Variants in ROBO2 observed in about 807,000 individuals in gnomAD.
ROBO2 encodes roundabout guidance receptor 2, also known as roundabout homolog 2.
A neutral mutation model predicts 160.8 loss-of-function variants in ROBO2; 53 were observed. That is an observed-to-expected ratio of 0.33 (90% confidence interval 0.26 to 0.41). The LOEUF (loss-of-function observed/expected upper bound fraction) is 0.41, where lower values mean the gene tolerates loss of function less well. Ranked by LOEUF, ROBO2 falls within the 10% of genes least tolerant of loss-of-function variation. ROBO2 has a pLI of 1.00. For missense variants in ROBO2, 1,577 were observed against 1,722.4 expected, an observed-to-expected ratio of 0.92 and a Z score of 1.49; for synonymous variants, 664 against 611.7, an observed-to-expected ratio of 1.09 and a Z score of -1.26.
At chr3:76,558,163 T>A (rs2083925826) in intron 2 of ROBO2, among the ~76,000 whole-genome samples, 1 of 152,082 alleles carries the variant, frequency 6.6e-6, no homozygotes, top group Admixed American at 6.6e-5. Context: ...AATAAACTCT[T>A]TGGCAAGTGG....
At chr3:76,850,913 C>G (rs916279438) in intron 2 of ROBO2, among the ~76,000 whole-genome samples, 6 of 152,170 alleles carry the variant, frequency 3.9e-5, no homozygotes, top group African/African-American at 1.4e-4. Flanking sequence ...CACTTGCCTT[C>G]CCTGAACACA....
intron 1 of ROBO2, among the ~76,000 whole-genome samples, chr3:75,925,391 A>C (rs1947253557): frequency 6.6e-6 from 1 of 152,172 alleles, no homozygotes; most frequent in Non-Finnish European, 1.5e-5. Flanking sequence ...CCCTGTCTCC[A>C]TTCAATAAAT....
intron 2 of ROBO2, among the ~76,000 whole-genome samples, chr3:76,093,311 G>A (rs1042494253): frequency 7.9e-5 from 12 of 151,086 alleles, no homozygotes; most frequent in Non-Finnish European, 1.8e-4. Flanking sequence ...ATAACAAGTA[G>A]ACATTAACAT....
At chr3:76,597,536 A>G (rs1256020409) in intron 2 of ROBO2, among the ~76,000 whole-genome samples, 1 of 151,076 alleles carries the variant, frequency 6.6e-6, no homozygotes, top group Non-Finnish European at 1.5e-5. Flanking sequence ...GAGAAATATA[A>G]CCTAAAACAA....
At chr3:76,944,742 G>A (rs1559742901) in intron 2 of ROBO2, among the ~76,000 whole-genome samples, 3 of 152,248 alleles carry the variant, frequency 2.0e-5, no homozygotes, top group East Asian at 3.9e-4. Context: ...ACTATGTATA[G>A]CAAATTCCTG....
chr3:77,212,036 T>C (rs11716953), intron 2 of ROBO2, among the ~76,000 whole-genome samples: 14 of 152,188 alleles, frequency 9.2e-5, no homozygotes, highest in Admixed American at 2.0e-4. Flanking sequence ...TCTTTTGGCT[T>C]AGGATTGACT....
intron 5 of ROBO2, among the ~76,000 whole-genome samples, chr3:77,494,595 C>A (rs888982486): frequency 4.6e-5 from 7 of 152,154 alleles, no homozygotes; most frequent in African/African-American, 1.7e-4. Flanking sequence ...AAACAAAAAA[C>A]AAACAAACAA....
At chr3:76,296,995 G>T (rs190019968) in intron 2 of ROBO2, among the ~76,000 whole-genome samples, 238 of 152,274 alleles carry the variant, frequency 1.6e-3, no homozygotes, top group Middle Eastern at 0.014. Flanking sequence ...AAAAGGGAAG[G>T]CTGAGGAGAT....
At chr3:76,386,776 C>T (rs2076912074) in intron 2 of ROBO2, among the ~76,000 whole-genome samples, 1 of 152,138 alleles carries the variant, frequency 6.6e-6, no homozygotes. Context: ...ACTATCACTT[C>T]TCAAATGCTT....
intron 2 of ROBO2, among the ~76,000 whole-genome samples, chr3:76,939,849 G>A (rs1157298907): frequency 6.6e-6 from 1 of 152,090 alleles, no homozygotes; most frequent in African/African-American, 2.4e-5. Flanking sequence ...AACTAGTTCT[G>A]CTAGTTCTGC....
chr3:76,771,658 A>AG (rs2061912844), intron 2 of ROBO2, among the ~76,000 whole-genome samples: 2 of 151,302 alleles, frequency 1.3e-5, no homozygotes, highest in Non-Finnish European at 3.0e-5. Flanking sequence ...AATTTAAGTA[A>AG]TTGAATTTTC....
At chr3:76,896,736 A>G (rs2074810076) in intron 2 of ROBO2, among the ~76,000 whole-genome samples, 1 of 152,178 alleles carries the variant, frequency 6.6e-6, no homozygotes. Flanking sequence ...GGAGTTTATC[A>G]TATCCTCACT....
chr3:76,488,804 T>A (rs982551432), intron 2 of ROBO2, among the ~76,000 whole-genome samples: 1 of 152,106 alleles, frequency 6.6e-6, no homozygotes, highest in African/African-American at 2.4e-5. Context: ...TTTAAAACCC[T>A]AGAACTGATT....
rs929268002 is a variant in ROBO2 at position 77,182,337 on chromosome 3, T to C, written c.388+83997T>C. Among the ~76,000 whole-genome samples the C allele has an allele frequency of 7.2e-5, 11 of 152,180 alleles. No homozygotes were observed. In the South Asian group the frequency reaches 2.3e-3, roughly 32 times the overall value. On this transcript the variant is annotated intron_variant, in intron 2 of 25. Transcript: ENST00000461745. ...TGGGGTTAAGCTGGGACAACAAAAG[T>C]ATACACAAGTTCCTTTCTTAAAGGA... is the stretch of plus-strand genomic sequence containing the variant.
In ROBO2 at chr3:76,686,130, A is replaced by C. The variant is rs151101652; in HGVS notation, c.110-411884A>C. 1.3e-3 allele frequency among the ~76,000 whole-genome samples: 203 copies of C among 152,216 alleles called. 1 individual carries two copies. Among genetic ancestry groups the C allele is most frequent in the Non-Finnish European group, 1.9e-3 (131 of 68,004 alleles). ...CCCTTTGATCTTCAGTTTAGTGGGA[A>C]GACACAGTCATAACCTATTTGCCAT... On this transcript the variant is annotated intron_variant, in intron 2 of 26. Transcript: ENST00000487694.
intron 2 of ROBO2, among the ~76,000 whole-genome samples, chr3:76,226,313 A>G (rs1260065971): frequency 6.6e-6 from 1 of 152,116 alleles, no homozygotes. Flanking sequence ...CAAATAATGA[A>G]ATAATTTTAG....
intron 2 of ROBO2, among the ~76,000 whole-genome samples, chr3:76,472,997 A>T (rs2078748464): frequency 6.6e-6 from 1 of 151,270 alleles, no homozygotes; most frequent in African/African-American, 2.5e-5. Flanking sequence ...TTACGCATCC[A>T]AAAATGCAAT....
chr3:76,523,996 G>C (rs1166776403), intron 2 of ROBO2, among the ~76,000 whole-genome samples: 1 of 151,864 alleles, frequency 6.6e-6, no homozygotes, highest in Non-Finnish European at 1.5e-5. Flanking sequence ...ATGTGTGTGT[G>C]TGTGTGTGTG....
intron 2 of ROBO2, among the ~76,000 whole-genome samples, chr3:76,838,594 A>T (rs770880253): frequency 2.0e-5 from 3 of 152,038 alleles, no homozygotes; most frequent in Non-Finnish European, 4.4e-5. Context: ...TCAAAATTAC[A>T]TCAGGTGGCC....
Sources: allele counts gnomAD v4.1 joint callset (sites outside exome capture counted in the v4.1 genomes callset), GRCh38; gene constraint gnomAD v4.1.1; transcripts MANE v1.5; gene names NCBI Gene and HGNC (gene_info 2026-07-23, HGNC 2026-07-21).